The following KCNQ3 variants were observed in gnomAD, a reference collection of about 807,000 sequenced individuals.
KCNQ3 encodes potassium voltage-gated channel subfamily KQT member 3.
In KCNQ3, 30 loss-of-function variants were observed where a neutral mutation model predicts 92.5. The ratio of observed to expected loss-of-function variants is 0.32; its 90% CI spans 0.24 to 0.44. KCNQ3 has a LOEUF of 0.44. Among genes scored for constraint, KCNQ3 ranks in the 20% least tolerant of loss-of-function variants. The probability of loss-of-function intolerance (pLI) is 1.00; values close to 1 mark genes in which losing one functional copy is unlikely to be tolerated. For missense variants in KCNQ3, 913 were observed against 1,140.3 expected, an observed-to-expected ratio of 0.80 and a Z score of 2.87; for synonymous variants, 450 against 468.8, an observed-to-expected ratio of 0.96 and a Z score of 0.52.
chr8:132,369,184 G>A (rs1250993781), intron 1 of KCNQ3, among the ~76,000 whole-genome samples: 1 of 152,148 alleles, frequency 6.6e-6, no homozygotes, highest in Non-Finnish European at 1.5e-5. Context: ...TACTATTAAT[G>A]TGACTATCAC....
intron 1 of KCNQ3, among the ~76,000 whole-genome samples, chr8:132,234,819 T>A (rs1395740848): frequency 6.6e-6 from 1 of 152,108 alleles, no homozygotes; most frequent in Non-Finnish European, 1.5e-5. Flanking sequence ...AACTGGGAGT[T>A]TCTGGACTAT....
intron 1 of KCNQ3, among the ~76,000 whole-genome samples, chr8:132,473,393 G>A (rs1822335941): frequency 6.6e-6 from 1 of 152,156 alleles, no homozygotes; most frequent in South Asian, 2.1e-4. Flanking sequence ...TTCTACTCTG[G>A]CTGGGACGTT....
intron 11 of KCNQ3, among the ~76,000 whole-genome samples, chr8:132,138,770 G>A (rs192193499): frequency 1.8e-4 from 27 of 152,294 alleles, no homozygotes; most frequent in Admixed American, 1.2e-3. Flanking sequence ...TGGTGCTTGC[G>A]CAAGTCGTTT....
At chr8:132,140,280 T>A (rs1471561941) in intron 10 of KCNQ3, 102 bp from the exon 11 acceptor site, 1 of 737,452 alleles carries the variant, frequency 1.4e-6, no homozygotes, top group East Asian at 2.7e-5. Flanking sequence ...GATGTGTCAA[T>A]CCCCAGAGTC....
rs550765885 is a variant in KCNQ3 at position 132,251,998 on chromosome 8, A to T, written c.387-65817T>A. ...GATCCTTCTTAGACAATTCTGTAGAATCTTTGTGTTGGTGTGGATCTCAGA... is the reference window on the plus strand; with the variant it reads ...GATCCTTCTTAGACAATTCTGTAGATTCTTTGTGTTGGTGTGGATCTCAGA... On this transcript the variant is annotated intron_variant, in intron 1 of 14. Transcript: ENST00000388996. Among the ~76,000 whole-genome samples, 4 of 152,304 alleles carry T rather than the reference A, an allele frequency of 2.6e-5. No homozygotes were observed. The South Asian group carries it at 8.3e-4, about 32-fold the overall frequency.
chr8:132,346,049 T>C (rs1818679795), intron 1 of KCNQ3, among the ~76,000 whole-genome samples: 1 of 151,954 alleles, frequency 6.6e-6, no homozygotes, highest in East Asian at 1.9e-4. Flanking sequence ...ATGATGGTGA[T>C]GGTGATGATG....
At chr8:132,280,948 G>A (rs1056637516) in intron 1 of KCNQ3, among the ~76,000 whole-genome samples, 5 of 152,140 alleles carry the variant, frequency 3.3e-5, no homozygotes, top group South Asian at 4.1e-4. Flanking sequence ...AAGAAGTGAC[G>A]CAATTCCTTT....
rs769487353 is a variant in KCNQ3, at chr8:132,132,242, G to C, written c.1822C>G (p.Pro608Ala). The C allele has an allele frequency of 6.2e-7, 1 of 1,613,334 alleles. No individual in the cohort carries two copies. Among genetic ancestry groups the C allele is most frequent in the Non-Finnish European group, 8.5e-7 (1 of 1,179,276 alleles). Residue 608 changes from proline (P) to alanine (A), a missense_variant, in exon 14 of 15, where the codon CCA becomes GCA. Transcript: ENST00000388996. ...TGGTCTTCGATTTCTGATGTGGATG[G>C]TCTGGCTACATATGGTTCATTCCTA... ...SPRNEPYVAR[P>A]STSEIEDQSM... is the part of the protein sequence containing the mutation.
intron 1 of KCNQ3, among the ~76,000 whole-genome samples, chr8:132,378,836 G>A (rs530679596): frequency 3.9e-5 from 6 of 152,278 alleles, no homozygotes; most frequent in Admixed American, 2.0e-4. Context: ...ACACTTCTAG[G>A]CTTGCAAAAG....
At chr8:132,136,751 C>G (rs1377308201) in intron 12 of KCNQ3, among the ~76,000 whole-genome samples, 1 of 152,052 alleles carries the variant, frequency 6.6e-6, no homozygotes, top group Non-Finnish European at 1.5e-5. Flanking sequence ...TGTGTACACA[C>G]ATGTCCGCAT....
At chr8:132,454,038 C>A (rs887795709) in intron 1 of KCNQ3, among the ~76,000 whole-genome samples, 1 of 151,682 alleles carries the variant, frequency 6.6e-6, no homozygotes, top group Non-Finnish European at 1.5e-5. Flanking sequence ...TAACACCATG[C>A]CTGGCACCGT....
intron 1 of KCNQ3, among the ~76,000 whole-genome samples, chr8:132,398,622 A>C (rs2130781015): frequency 6.6e-6 from 1 of 152,326 alleles, no homozygotes; most frequent in South Asian, 2.1e-4. Context: ...CTACAGATAT[A>C]TAAATAGTAT....
intron 1 of KCNQ3, among the ~76,000 whole-genome samples, chr8:132,211,117 C>A (rs1262777463): frequency 6.6e-6 from 1 of 152,176 alleles, no homozygotes. Context: ...TGAAATCTTG[C>A]CATGTGGCCA....
chr8:132,369,827 G>T (rs1350382), intron 1 of KCNQ3, among the ~76,000 whole-genome samples: 1 of 152,102 alleles, frequency 6.6e-6, no homozygotes, highest in Non-Finnish European at 1.5e-5. Context: ...TGTTCAGGGT[G>T]TTTAGGAAGA....
rs111467886 is a variant in KCNQ3, at chr8:132,378,306, C to T, written c.386+101841G>A. ...TACTGGGAGGCTGATGCACGAGAAA[C>T]ACTTGAACTTGGGAGGCAGAGGTTG... On this transcript the variant is annotated intron_variant, in intron 1 of 14. Transcript: ENST00000388996. 2.3e-3 allele frequency among the ~76,000 whole-genome samples: 347 copies of T among 152,130 alleles called. 2 individuals carry two copies. Among genetic ancestry groups the T allele is most frequent in the African/African-American group, 7.6e-3 (317 of 41,494 alleles).
chr8:132,457,505 T>G (rs1587040267), intron 1 of KCNQ3, among the ~76,000 whole-genome samples: 1 of 152,142 alleles, frequency 6.6e-6, no homozygotes, highest in East Asian at 1.9e-4. Flanking sequence ...ACTTTAGGAC[T>G]TTAGGAACCT....
chr8:132,211,775 A>G (rs1451808184), intron 1 of KCNQ3, among the ~76,000 whole-genome samples: 1 of 151,926 alleles, frequency 6.6e-6, no homozygotes, highest in Non-Finnish European at 1.5e-5. Context: ...ACATAGTGAC[A>G]CCCCATCTCC....
chr8:132,407,511 C>T (rs1820523590), intron 1 of KCNQ3, among the ~76,000 whole-genome samples: 1 of 152,182 alleles, frequency 6.6e-6, no homozygotes, highest in African/African-American at 2.4e-5. Flanking sequence ...AGACGGGCTT[C>T]ACTTCAGTCC....
intron 1 of KCNQ3, among the ~76,000 whole-genome samples, chr8:132,412,277 C>T (rs769951780): frequency 6.6e-6 from 1 of 152,126 alleles, no homozygotes; most frequent in African/African-American, 2.4e-5. Flanking sequence ...CCCCACCCGC[C>T]GGCCCCAATA....
Sources: gnomAD v4.1 joint callset for allele counts (sites outside exome capture counted in the v4.1 genomes callset) on GRCh38, gnomAD v4.1.1 for gene constraint, MANE v1.5 for transcripts, NCBI Gene and HGNC (gene_info 2026-07-23, HGNC 2026-07-21) for gene names.